TMEM132E: variants seen among roughly 807,000 people sequenced by gnomAD.
TMEM132E encodes the protein transmembrane protein 132E.
TMEM132E carries 49 observed loss-of-function variants against 78.5 expected under a neutral mutation model. The observed-to-expected ratio is 0.62, with a 90% confidence interval of 0.50 to 0.79. The LOEUF (loss-of-function observed/expected upper bound fraction) is 0.79, where lower values mean the gene tolerates loss of function less well. Among genes scored for constraint, TMEM132E ranks in the 30% least tolerant of loss-of-function variants. The pLI is 0.00. For synonymous variants in TMEM132E, 715 were observed against 670.6 expected (o/e 1.07, Z -1.02); for missense variants, 1,403 against 1,470.9 (o/e 0.95, Z 0.75).
In TMEM132E at chr17:34,626,524, C is replaced by T. The variant is rs1199351350; in HGVS notation, c.465C>T (p.Asp155=). 2 of 1,604,526 alleles carry T rather than the reference C, an allele frequency of 1.2e-6. No homozygotes were observed. The highest frequency in any genetic ancestry group is 1.3e-5 in the African/African-American group (1 of 74,876). ...ACGTAGCCGGCCGGGACTGGGACGA[C>T]TTCGGCGTCACCGAGCGGCTGCCCT... The part of the protein sequence containing the change: ...LFYVAGRDWD[D]FGVTERLPCV... The change falls in exon 2 of 9, where the codon GAC becomes GAT. Residue 155 remains aspartate, a synonymous_variant. Transcript: ENST00000631683.
intron 1 of TMEM132E, among the ~76,000 whole-genome samples, chr17:34,612,794 C>T (rs540282264): frequency 1.3e-5 from 2 of 151,850 alleles, no homozygotes; most frequent in South Asian, 4.2e-4. Context: ...TCAGGAGGGC[C>T]GGTGGGGCCT....
intron 1 of TMEM132E, among the ~76,000 whole-genome samples, chr17:34,591,658 T>C (rs1905873634): frequency 6.6e-6 from 1 of 152,212 alleles, no homozygotes; most frequent in African/African-American, 2.4e-5. Context: ...TCATTCCTCA[T>C]CCAACAGTCA....
rs143690739 is a variant in TMEM132E, at chr17:34,590,957, G to A, written c.67+9814G>A. Among the ~76,000 whole-genome samples, 16 of 150,056 alleles carry A rather than the reference G, an allele frequency of 1.1e-4. No individual in the cohort carries two copies. The East Asian group carries it at 1.8e-3, about 17-fold the overall frequency. ...ATGAGCACCAGAAGTCATCTGAGGC[G>A]CCACCCCATGACAAAGAGCTCACCG... On this transcript the variant is annotated intron_variant, in intron 1 of 8. Transcript: ENST00000631683.
chr17:34,622,168 C>T (rs1161482201), intron 1 of TMEM132E, among the ~76,000 whole-genome samples: 1 of 152,226 alleles, frequency 6.6e-6, no homozygotes, highest in African/African-American at 2.4e-5. Context: ...GACAGACCAA[C>T]TGATCTGCTC....
chr17:34,613,815 C>G (rs1244342548), intron 1 of TMEM132E, among the ~76,000 whole-genome samples: 1 of 152,060 alleles, frequency 6.6e-6, no homozygotes. Flanking sequence ...TCCTCTCTGG[C>G]GTGACTGTAG....
chr17:34,601,493 C>T (rs1357108467), intron 1 of TMEM132E, among the ~76,000 whole-genome samples: 2 of 152,308 alleles, frequency 1.3e-5, no homozygotes, highest in East Asian at 3.9e-4. Context: ...AAAGTCCCAG[C>T]CCTACTTTGT....
At chr17:34,633,383 CAT>C (rs1346827877) in intron 6 of TMEM132E, among the ~76,000 whole-genome samples, 1 of 152,248 alleles carries the variant, frequency 6.6e-6, no homozygotes, top group Non-Finnish European at 1.5e-5. Flanking sequence ...CACCTGTACA[CAT>C]GTGTCCCAGC....
At chr17:34,582,621 C>T (rs1905533916) in intron 1 of TMEM132E, among the ~76,000 whole-genome samples, 1 of 150,284 alleles carries the variant, frequency 6.7e-6, no homozygotes, top group African/African-American at 2.4e-5. Context: ...TGAGGTGGGG[C>T]GAAGTGGGAG....
rs1159738163 is a variant in TMEM132E at position 34,581,046 on chromosome 17, C to T, written c.-31C>T. ...GGCCAAGTCGTCGTCGACTGTTGCT[C>T]TCTCGGACCCCTCCCGCCCCCGCCT... On this transcript the variant is annotated 5_prime_UTR_variant, in exon 1 of 9. Coordinates refer to ENST00000631683, the MANE Select transcript of TMEM132E (RefSeq NM_001304438.2). The T allele has an allele frequency of 1.3e-6, 2 of 1,532,530 alleles. No homozygotes were observed. The highest frequency in any genetic ancestry group is 2.0e-5 in the Admixed American group (1 of 51,028). The allele number at this position is 1,532,530 out of a possible 1,614,324, so 94.9% of individuals were successfully genotyped here.
rs1315537367 is a variant in TMEM132E, at chr17:34,583,955, A to G, written c.67+2812A>G. Reference sequence around the variant, plus strand: ...AGTCTCCAGCCCTCTTCCAGGGAACATCTGTGAAGGCCACTTTCTTGTATC... The same window carrying G: ...AGTCTCCAGCCCTCTTCCAGGGAACGTCTGTGAAGGCCACTTTCTTGTATC... On this transcript the variant is annotated intron_variant, in intron 1 of 8. Coordinates refer to ENST00000631683, the MANE Select transcript of TMEM132E (RefSeq NM_001304438.2). Among the ~76,000 whole-genome samples the G allele has an allele frequency of 2.0e-5, 3 of 152,348 alleles. No individual in the cohort carries two copies. In the East Asian group the frequency reaches 5.8e-4, roughly 29 times the overall value.
chr17:34,588,650 G>GTA (rs2142050335), intron 1 of TMEM132E, among the ~76,000 whole-genome samples: 1 of 152,274 alleles, frequency 6.6e-6, no homozygotes, highest in Admixed American at 6.5e-5. Context: ...ACATTCTTAT[G>GTA]TATATTGTGG....
chr17:34,590,759 C>G (rs1279783670), intron 1 of TMEM132E, among the ~76,000 whole-genome samples: 1 of 151,842 alleles, frequency 6.6e-6, no homozygotes, highest in African/African-American at 2.4e-5. Context: ...AGACTTTGGC[C>G]CAATGTTCCA....
At chr17:34,612,468 C>G (rs147514960) in intron 1 of TMEM132E, among the ~76,000 whole-genome samples, 131 of 152,258 alleles carry the variant, frequency 8.6e-4, no homozygotes, top group African/African-American at 3.0e-3. Flanking sequence ...CCGGCAGAGC[C>G]CCCACTCAGA....
chr17:34,634,675 G>A, intron 6 of TMEM132E, 124 bp from the exon 7 acceptor site: 1 of 1,196,448 alleles, frequency 8.4e-7, no homozygotes, highest in Non-Finnish European at 1.2e-6. Context: ...AGCCATAGAG[G>A]AAGCTTGCTT....
Position 34,634,780 on chromosome 17 carries a change from T to A in TMEM132E, c.1689-19T>A. ...GAGTCCAGGTGAGAAGCCTTCAGCATGGCATGTCCCCACCCCAGGTCAGTC... is the reference window on the plus strand; with the variant it reads ...GAGTCCAGGTGAGAAGCCTTCAGCAAGGCATGTCCCCACCCCAGGTCAGTC... On this transcript the variant is annotated intron_variant, in intron 6 of 8. Coordinates refer to ENST00000631683, the MANE Select transcript of TMEM132E (RefSeq NM_001304438.2). The A allele has an allele frequency of 9.4e-6, 15 of 1,602,018 alleles. No homozygotes were observed. Among genetic ancestry groups the A allele is most frequent in the Non-Finnish European group, 1.3e-5 (15 of 1,173,756 alleles).
rs376851502 is a variant in TMEM132E, at chr17:34,621,885, C to T, written c.68-4242C>T. ...GGCATAGGCACACCTTAGTGTTGTG[C>T]GTCCAAGGTGGGTCCAAGCAGTGCC... On this transcript the variant is annotated intron_variant, in intron 1 of 8. Coordinates refer to ENST00000631683, the MANE Select transcript of TMEM132E (RefSeq NM_001304438.2). 5.3e-5 allele frequency among the ~76,000 whole-genome samples: 8 copies of T among 152,136 alleles called. No individual in the cohort carries two copies. The South Asian group carries it at 8.3e-4, about 16-fold the overall frequency.
chr17:34,581,820 C>A (rs1297512175), intron 1 of TMEM132E, among the ~76,000 whole-genome samples: 1 of 149,368 alleles, frequency 6.7e-6, no homozygotes, highest in African/African-American at 2.5e-5. Context: ...CAATCTGTTG[C>A]GTCTGCTCCC....
At chr17:34,591,357 T>TGTA (rs1216483441) in intron 1 of TMEM132E, among the ~76,000 whole-genome samples, 1 of 147,982 alleles carries the variant, frequency 6.8e-6, no homozygotes, top group Non-Finnish European at 1.5e-5. Context: ...CAGGCTGGAG[T>TGTA]GTAGTAGTAT....
rs1907391120 is a variant in TMEM132E, at chr17:34,632,768, G to A, written c.1547G>A (p.Arg516Lys). 6.2e-7 allele frequency: 1 copy of A among 1,614,098 alleles called. No homozygotes were observed. Among genetic ancestry groups the A allele is most frequent in the Non-Finnish European group, 8.5e-7 (1 of 1,180,054 alleles). ...GAGTCTCGAGGGTCCATGAACGCCA[G>A]GGTCACCTTCCGCTACGACGTCCTC... ...GKESRGSMNA[R>K]VTFRYDVLNA... The change falls in exon 6 of 9, where the codon AGG becomes AAG. Residue 516 changes from arginine to lysine, a missense_variant. Physicochemically the swap from Arg to Lys is conservative, Grantham distance 26. Coordinates refer to ENST00000631683, the MANE Select transcript of TMEM132E (RefSeq NM_001304438.2).
Sources: allele counts gnomAD v4.1 joint callset (sites outside exome capture counted in the v4.1 genomes callset), GRCh38; gene constraint gnomAD v4.1.1; transcripts MANE v1.5; gene names NCBI Gene and HGNC (gene_info 2026-07-23, HGNC 2026-07-21).